RUNX1: variants seen among roughly 807,000 people sequenced by gnomAD.
RUNX1 encodes runt-related transcription factor 1.
Under a neutral mutation model 42.8 loss-of-function variants are expected in RUNX1, and 19 were observed. That is an observed-to-expected ratio of 0.44 (90% CI 0.31 to 0.65). The LOEUF is 0.65. RUNX1 is among the 30% of genes least tolerant of loss of function. The pLI is 0.07. For synonymous variants in RUNX1, 271 were observed against 289.4 expected (o/e 0.94, Z 0.64); for missense variants, 528 against 672.0 (o/e 0.79, Z 2.37).
chr21:34,998,615 C>T (rs1040435379), intron 2 of RUNX1, among the ~76,000 whole-genome samples: 7 of 152,048 alleles, frequency 4.6e-5, no homozygotes, highest in African/African-American at 1.7e-4. Flanking sequence ...AGTCTCGGCT[C>T]ACTGCAAGCT....
intron 6 of RUNX1, among the ~76,000 whole-genome samples, chr21:34,844,946 G>C (rs1286077661): frequency 6.6e-6 from 1 of 152,244 alleles, no homozygotes; most frequent in Non-Finnish European, 1.5e-5. Context: ...GCCAACCGCA[G>C]CAAGTTGTTT....
intron 2 of RUNX1, among the ~76,000 whole-genome samples, chr21:34,911,827 T>G (rs145187290): frequency 2.7e-4 from 41 of 152,258 alleles, no homozygotes; most frequent in African/African-American, 9.6e-4. Context: ...CAGGACCTTT[T>G]CAGGGGCTTT....
At chr21:34,967,541 G>A (rs896992018) in intron 2 of RUNX1, among the ~76,000 whole-genome samples, 2 of 152,058 alleles carry the variant, frequency 1.3e-5, no homozygotes, top group South Asian at 2.1e-4. Context: ...TGCACAGGGT[G>A]TCTAAGAGTC....
At chr21:35,011,279 T>G (rs1467305764) in intron 2 of RUNX1, among the ~76,000 whole-genome samples, 1 of 152,152 alleles carries the variant, frequency 6.6e-6, no homozygotes, top group Non-Finnish European at 1.5e-5. Context: ...TTCTCAGGCC[T>G]TTTCCTGATC....
intron 5 of RUNX1, among the ~76,000 whole-genome samples, chr21:34,873,214 G>C (rs574297783): frequency 6.6e-6 from 1 of 152,332 alleles, no homozygotes; most frequent in South Asian, 2.1e-4. Flanking sequence ...CACCTCCAGA[G>C]ATCTGATGAG....
intron 8 of RUNX1, among the ~76,000 whole-genome samples, chr21:34,798,932 T>G (rs1422527681): frequency 6.6e-6 from 1 of 152,174 alleles, no homozygotes; most frequent in African/African-American, 2.4e-5. Flanking sequence ...TGTGAAAATT[T>G]ACCACCACCG....
At chr21:34,865,590 G>A (rs1029162518) in intron 5 of RUNX1, among the ~76,000 whole-genome samples, 1 of 152,144 alleles carries the variant, frequency 6.6e-6, no homozygotes, top group Non-Finnish European at 1.5e-5. Flanking sequence ...CTGGACACTC[G>A]CTGCCATGAC....
intron 2 of RUNX1, among the ~76,000 whole-genome samples, chr21:34,998,286 C>T (rs907941994): frequency 5.9e-5 from 9 of 152,144 alleles, no homozygotes; most frequent in Admixed American, 5.9e-4. Flanking sequence ...CCACAGAGAT[C>T]AGCCCCATTT....
chr21:34,934,224 C>T (rs1269875578), intron 2 of RUNX1, among the ~76,000 whole-genome samples: 1 of 152,006 alleles, frequency 6.6e-6, no homozygotes, highest in East Asian at 1.9e-4. Flanking sequence ...CACCCTGTTG[C>T]CCCACCCCAA....
intron 3 of RUNX1, among the ~76,000 whole-genome samples, chr21:34,889,429 G>C (rs2058049574): frequency 6.6e-6 from 1 of 152,118 alleles, no homozygotes; most frequent in African/African-American, 2.4e-5. Context: ...ATCCCTCCGC[G>C]CGTCTCACTT....
chr21:34,791,639 G>T lies in RUNX1; in HGVS notation c.*496C>A, dbSNP rs2056436037. 1 of 230,850 alleles carries T rather than the reference G, an allele frequency of 4.3e-6. No homozygotes were observed. The highest frequency in any genetic ancestry group is 8.6e-6 in the Non-Finnish European group (1 of 116,402). 14.3% of individuals were successfully genotyped at this position (230,850 alleles called of 1,614,324 possible). A position where few individuals can be genotyped will look rare whatever the true frequency, so the allele number is the denominator to read the frequency against. On this transcript the variant is annotated 3_prime_UTR_variant, in exon 9 of 9. Coordinates refer to ENST00000675419, the MANE Select transcript of RUNX1 (RefSeq NM_001754.5). ...CGCATTTTGCAATTGATAAGGTGCG[G>T]AAAAATTAAAAATAAGAATTAGATG...
chr21:34,831,127 GA>G (rs1325682305), intron 7 of RUNX1, among the ~76,000 whole-genome samples: 1 of 152,052 alleles, frequency 6.6e-6, no homozygotes, highest in Non-Finnish European at 1.5e-5. Flanking sequence ...AATTAAAAAA[GA>G]ATTCTAAGAC....
chr21:34,938,301 T>C (rs568381588), intron 2 of RUNX1, among the ~76,000 whole-genome samples: 9 of 152,270 alleles, frequency 5.9e-5, no homozygotes, highest in Non-Finnish European at 1.2e-4. Flanking sequence ...AAGTGACTCC[T>C]CCTCAGAACT....
At chr21:34,890,766 C>G (rs1410063060) in intron 3 of RUNX1, among the ~76,000 whole-genome samples, 1 of 138,186 alleles carries the variant, frequency 7.2e-6, no homozygotes, top group African/African-American at 2.6e-5. Context: ...CTAACTCTGT[C>G]CCTGAGAAGA....
At chr21:35,038,751 T>C (rs764645071) in intron 2 of RUNX1, 2 of 456,042 alleles carry the variant, frequency 4.4e-6, no homozygotes, top group South Asian at 1.5e-5. Context: ...ATGGGAATTA[T>C]AGTTTGGGTT....
chr21:34,874,337 C>T (rs1477116915), intron 5 of RUNX1, among the ~76,000 whole-genome samples: 1 of 151,902 alleles, frequency 6.6e-6, no homozygotes, highest in African/African-American at 2.4e-5. Context: ...CGGCCAGGTA[C>T]GGTGGCTCAC....
At chr21:34,957,650 G>A (rs2058654376) in intron 2 of RUNX1, among the ~76,000 whole-genome samples, 1 of 152,108 alleles carries the variant, frequency 6.6e-6, no homozygotes, top group Non-Finnish European at 1.5e-5. Flanking sequence ...TCAGATATTC[G>A]TACATTCTAG....
chr21:34,868,290 G>A (rs920143298), intron 5 of RUNX1, among the ~76,000 whole-genome samples: 3 of 152,036 alleles, frequency 2.0e-5, no homozygotes, highest in Admixed American at 2.0e-4. Context: ...TCTCTGGATG[G>A]GTCTCTAAGC....
At chr21:34,799,271 C>T (rs1358002996) in intron 8 of RUNX1, 30 bp downstream of exon 8, 2 of 1,613,536 alleles carry the variant, frequency 1.2e-6, no homozygotes, top group Non-Finnish European at 8.5e-7. Flanking sequence ...CCCAGCTCAG[C>T]TGCAAAGAAT....
Sources: allele counts gnomAD v4.1 joint callset (sites outside exome capture counted in the v4.1 genomes callset), GRCh38; gene constraint gnomAD v4.1.1; transcripts MANE v1.5; gene names NCBI Gene and HGNC (gene_info 2026-07-23, HGNC 2026-07-21).